NCAM2: variants seen among roughly 807,000 people sequenced by gnomAD.
NCAM2 encodes the protein N-CAM-2.
Under a neutral mutation model 98.1 loss-of-function variants are expected in NCAM2, and 30 were observed. The observed-to-expected ratio is 0.31, with a 90% CI of 0.23 to 0.41. The LOEUF (loss-of-function observed/expected upper bound fraction) is 0.41, where lower values mean the gene tolerates loss of function less well. NCAM2 is among the 10% of genes least tolerant of loss of function. NCAM2 has a pLI of 1.00. For missense variants in NCAM2, 867 were observed against 1,005.8 expected, an observed-to-expected ratio of 0.86 and a Z score of 1.87; for synonymous variants, 368 against 342.4, an observed-to-expected ratio of 1.07 and a Z score of -0.83.
intron 1 of NCAM2, among the ~76,000 whole-genome samples, chr21:21,084,464 C>T (rs1203791633): frequency 6.6e-6 from 1 of 152,160 alleles, no homozygotes. Flanking sequence ...ACCCTTGCTT[C>T]AGTTTCTAAC....
chr21:21,155,114 C>T (rs1329096444), intron 1 of NCAM2, among the ~76,000 whole-genome samples: 1 of 151,300 alleles, frequency 6.6e-6, no homozygotes, highest in Non-Finnish European at 1.5e-5. Context: ...GTAATGCCAT[C>T]AACCAAAATA....
At chr21:21,248,583 C>T (rs1254328112) in intron 1 of NCAM2, among the ~76,000 whole-genome samples, 3 of 151,474 alleles carry the variant, frequency 2.0e-5, no homozygotes, top group Admixed American at 2.0e-4. Context: ...GAGACTATCC[C>T]GGCTAACACA....
At chr21:21,255,861 G>C (rs1459149845) in intron 1 of NCAM2, among the ~76,000 whole-genome samples, 1 of 152,136 alleles carries the variant, frequency 6.6e-6, no homozygotes, top group African/African-American at 2.4e-5. Context: ...TCTTTCCTCA[G>C]AATACAGCTT....
intron 9 of NCAM2, among the ~76,000 whole-genome samples, chr21:21,402,227 G>A (rs1289403367): frequency 6.6e-6 from 1 of 152,136 alleles, no homozygotes; most frequent in Non-Finnish European, 1.5e-5. Flanking sequence ...AAACGGACAT[G>A]CAAGTAGGAG....
At chr21:21,096,330 G>A (rs1037258694) in intron 1 of NCAM2, among the ~76,000 whole-genome samples, 2 of 151,572 alleles carry the variant, frequency 1.3e-5, no homozygotes, top group African/African-American at 4.8e-5. Flanking sequence ...CATACAGACA[G>A]CCCTCACTTT....
intron 1 of NCAM2, among the ~76,000 whole-genome samples, chr21:21,098,714 T>C (rs1216472057): frequency 6.6e-6 from 1 of 151,888 alleles, no homozygotes; most frequent in Non-Finnish European, 1.5e-5. Flanking sequence ...AGGCCTGTTC[T>C]TCATAACTTT....
At position 21,540,925 on chromosome 21, in the gene NCAM2, AG is replaced by A. The variant is rs1375764486; in HGVS notation, c.*2969del. 2 of 151,880 alleles carry A rather than the reference AG, an allele frequency of 1.3e-5. No homozygotes were observed. Among genetic ancestry groups the A allele is most frequent in the African/African-American group, 4.8e-5 (2 of 41,432 alleles). The allele number at this position is 151,880 out of a possible 1,614,324, so 9.4% of individuals were successfully genotyped here. ...AGGAATTTAAGAATTGTATTTTTAAAGATTTATTTATTATTTTTGTGGGCTA... is the reference window on the plus strand; with the variant it reads ...AGGAATTTAAGAATTGTATTTTTAAAATTTATTTATTATTTTTGTGGGCTA... On this transcript the variant is annotated 3_prime_UTR_variant, in exon 18 of 18. Coordinates refer to ENST00000400546, the MANE Select transcript of NCAM2 (RefSeq NM_004540.5).
intron 16 of NCAM2, among the ~76,000 whole-genome samples, chr21:21,531,797 G>A (rs1055517717): frequency 1.2e-4 from 18 of 150,030 alleles, no homozygotes; most frequent in Non-Finnish European, 1.8e-4. Context: ...TGGCTAACGC[G>A]GTGAAACCCC....
intron 8 of NCAM2, among the ~76,000 whole-genome samples, chr21:21,347,376 A>G (rs992883807): frequency 5.9e-5 from 9 of 152,090 alleles, no homozygotes; most frequent in African/African-American, 1.2e-4. Flanking sequence ...CTAAGCAAAA[A>G]GAACAAAACT....
intron 1 of NCAM2, among the ~76,000 whole-genome samples, chr21:21,210,107 T>C (rs972460925): frequency 1.3e-5 from 2 of 152,188 alleles, no homozygotes; most frequent in African/African-American, 4.8e-5. Context: ...TGGAAATGCA[T>C]TGATAGATCA....
chr21:21,387,543 T>TA (rs1264167708), intron 9 of NCAM2, among the ~76,000 whole-genome samples: 2 of 152,168 alleles, frequency 1.3e-5, no homozygotes, highest in African/African-American at 4.8e-5. Flanking sequence ...GTGAAGTCTG[T>TA]AACAGCTCAG....
Position 21,429,898 on chromosome 21 carries a change from G to A in NCAM2, c.1481-2210G>A, listed in dbSNP as rs144433182. Among the ~76,000 whole-genome samples, 58 of 152,218 alleles carry A rather than the reference G, an allele frequency of 3.8e-4. No homozygotes were observed. The East Asian group carries it at 4.8e-3, about 13-fold the overall frequency. On this transcript the variant is annotated intron_variant, in intron 11 of 17. Coordinates refer to ENST00000400546, the MANE Select transcript of NCAM2 (RefSeq NM_004540.5). ...TTACAGTATTCACATGTGAAAGGCC[G>A]TAAAGCTGTGCTCCTGGCTCTTGCT...
chr21:21,124,452 G>A (rs1178681800), intron 1 of NCAM2, among the ~76,000 whole-genome samples: 2 of 152,114 alleles, frequency 1.3e-5, no homozygotes, highest in African/African-American at 4.8e-5. Context: ...AGAAGCTGGA[G>A]TAGGCCTCTA....
At chr21:21,071,756 C>T (rs1024258876) in intron 1 of NCAM2, among the ~76,000 whole-genome samples, 10 of 151,924 alleles carry the variant, frequency 6.6e-5, no homozygotes, top group Admixed American at 5.9e-4. Flanking sequence ...ATTAAAATGG[C>T]ATTTTAATAA....
chr21:21,415,464 T>C (rs143615091), intron 10 of NCAM2, among the ~76,000 whole-genome samples: 2,019 of 150,578 alleles, frequency 0.013, 56 homozygotes, highest in African/African-American at 0.047. Flanking sequence ...GCCTCCCGAG[T>C]AGCTGGGACT....
chr21:21,170,763 A>G (rs2068095381), intron 1 of NCAM2, among the ~76,000 whole-genome samples: 2 of 152,178 alleles, frequency 1.3e-5, no homozygotes, highest in South Asian at 4.1e-4. Context: ...TAGACTTTGC[A>G]TGTTGTTGAT....
intron 2 of NCAM2, among the ~76,000 whole-genome samples, chr21:21,281,961 A>C (rs2072944803): frequency 6.6e-6 from 1 of 151,808 alleles, no homozygotes; most frequent in Admixed American, 6.6e-5. Flanking sequence ...TTTTATAGGA[A>C]TATTAATAGA....
At chr21:21,443,777 C>T (rs1979671914) in intron 12 of NCAM2, among the ~76,000 whole-genome samples, 2 of 152,130 alleles carry the variant, frequency 1.3e-5, no homozygotes, top group East Asian at 1.9e-4. Flanking sequence ...TTAATTTCCA[C>T]TTATGCTTCA....
At chr21:21,475,429 T>C (rs1195272267) in intron 14 of NCAM2, among the ~76,000 whole-genome samples, 3 of 152,150 alleles carry the variant, frequency 2.0e-5, no homozygotes, top group Non-Finnish European at 4.4e-5. Context: ...TCATGCCTTC[T>C]AGAAAGTCCT....
Sources: allele counts gnomAD v4.1 joint callset (sites outside exome capture counted in the v4.1 genomes callset), GRCh38; gene constraint gnomAD v4.1.1; transcripts MANE v1.5; gene names NCBI Gene and HGNC (gene_info 2026-07-23, HGNC 2026-07-21).